The following SPMAP2L variants were observed in gnomAD, a reference collection of about 807,000 sequenced individuals.
SPMAP2L encodes the protein sperm microtubule associated protein 2-like.
At chr4:56,584,408 C>T in the SPMAP2L span, 8 of 764,018 alleles carry the variant, frequency 1.0e-5, no homozygotes, top group African/African-American at 5.2e-5. Flanking sequence ...TGTATATAAT[C>T]GATTAGAAGT....
At chr4:56,559,567 T>C in the SPMAP2L span, 2 of 1,429,058 alleles carry the variant, frequency 1.4e-6, no homozygotes, top group East Asian at 2.7e-5. Flanking sequence ...AGGTTTTTTG[T>C]TGTTGTTTTT....
At chr4:56,562,786 C>CTTTT in the SPMAP2L span, among the ~76,000 whole-genome samples, 20,325 of 145,044 alleles carry the variant, frequency 0.14, 1,550 homozygotes, top group East Asian at 0.19. Flanking sequence ...TTTTCTTCGT[C>CTTTT]TTTTTTTTTA....
the SPMAP2L span, chr4:56,559,398 G>A: frequency 2.0e-6 from 3 of 1,502,868 alleles, no homozygotes; most frequent in African/African-American, 2.9e-5. Context: ...ACAGAAAACT[G>A]TTTTGGGGAA....
At chr4:56,570,206 A>G in the SPMAP2L span, among the ~76,000 whole-genome samples, 1,110 of 152,282 alleles carry the variant, frequency 7.3e-3, 18 homozygotes, top group African/African-American at 0.025. Flanking sequence ...CATAACTTTC[A>G]ACATTCTCAC....
At chr4:56,612,750 AG>A in the SPMAP2L span, among the ~76,000 whole-genome samples, 1 of 151,552 alleles carries the variant, frequency 6.6e-6, no homozygotes, top group Admixed American at 6.6e-5. Context: ...TATTTTTAGT[AG>A]AGATGGGGTT....
At chr4:56,616,527 A>T in the SPMAP2L span, among the ~76,000 whole-genome samples, 5,048 of 152,082 alleles carry the variant, frequency 0.033, 240 homozygotes, top group African/African-American at 0.11. Flanking sequence ...CCAAGTAAGT[A>T]ATTTATAAGA....
chr4:56,575,458 A>T, the SPMAP2L span: 891 of 1,528,316 alleles, frequency 5.8e-4, 4 homozygotes, highest in African/African-American at 0.011. Context: ...TGACAATTTG[A>T]AATCATGCTT....
the SPMAP2L span, among the ~76,000 whole-genome samples, chr4:56,604,581 C>T: frequency 6.6e-6 from 1 of 151,724 alleles, no homozygotes; most frequent in African/African-American, 2.4e-5. Context: ...TCACATGAAC[C>T]CAGGAGGCAG....
the SPMAP2L span, among the ~76,000 whole-genome samples, chr4:56,576,517 G>A: frequency 2.6e-5 from 4 of 152,154 alleles, no homozygotes; most frequent in African/African-American, 4.8e-5. Context: ...GTCCAGTAAC[G>A]GAAAGTGAAC....
At chr4:56,574,241 G>A in the SPMAP2L span, among the ~76,000 whole-genome samples, 1 of 151,944 alleles carries the variant, frequency 6.6e-6, no homozygotes, top group African/African-American at 2.4e-5. Context: ...ATAATATAGC[G>A]AGCCCCCATC....
chr4:56,615,396 T>C, the SPMAP2L span, among the ~76,000 whole-genome samples: 1 of 152,202 alleles, frequency 6.6e-6, no homozygotes, highest in Admixed American at 6.5e-5. Context: ...CCGCAGGCAC[T>C]AAATCAGGGT....
chr4:56,546,988 G>A, the SPMAP2L span, among the ~76,000 whole-genome samples: 3 of 152,202 alleles, frequency 2.0e-5, 1 homozygote, highest in South Asian at 2.1e-4. Flanking sequence ...CCACTGGAGT[G>A]TAAACTTTTT....
the SPMAP2L span, among the ~76,000 whole-genome samples, chr4:56,574,322 G>A: frequency 6.6e-6 from 1 of 152,224 alleles, no homozygotes; most frequent in African/African-American, 2.4e-5. Context: ...AGGAGGCTGA[G>A]GCAGGAGCAT....
the SPMAP2L span, among the ~76,000 whole-genome samples, chr4:56,541,761 C>G: frequency 1.3e-5 from 2 of 152,106 alleles, no homozygotes; most frequent in Admixed American, 6.6e-5. Flanking sequence ...TTTTAAAAAG[C>G]CACATAATTA....
At chr4:56,596,653 A>G in the SPMAP2L span, 1 of 1,494,940 alleles carries the variant, frequency 6.7e-7, no homozygotes, top group Non-Finnish European at 8.8e-7. Context: ...CTACCTTGGT[A>G]TCCTTCAGCT....
At chr4:56,540,458 G>A in the SPMAP2L span, among the ~76,000 whole-genome samples, 4 of 152,182 alleles carry the variant, frequency 2.6e-5, no homozygotes, top group East Asian at 1.9e-4. Flanking sequence ...CAGGAGAATC[G>A]CTTGAACCCG....
chr4:56,566,715 T>TTG, the SPMAP2L span, among the ~76,000 whole-genome samples: 1 of 105,474 alleles, frequency 9.5e-6, no homozygotes, highest in Non-Finnish European at 1.8e-5. Flanking sequence ...TTTTTTTTTT[T>TTG]TGGCAGAGTT....
the SPMAP2L span, among the ~76,000 whole-genome samples, chr4:56,609,389 A>G: frequency 6.6e-6 from 1 of 152,204 alleles, no homozygotes; most frequent in Admixed American, 6.5e-5. Context: ...ACAGGTTCAC[A>G]GCTGGAGGGG....
chr4:56,548,623 T>G, the SPMAP2L span, among the ~76,000 whole-genome samples: 89 of 152,332 alleles, frequency 5.8e-4, no homozygotes, highest in African/African-American at 2.1e-3. Context: ...CTTAACTCCT[T>G]GATTTACCTT....
Sources: gnomAD v4.1 joint callset for allele counts (sites outside exome capture counted in the v4.1 genomes callset) on GRCh38, gnomAD v4.1.1 for gene constraint, MANE v1.5 for transcripts, NCBI Gene and HGNC (gene_info 2026-07-23, HGNC 2026-07-21) for gene names.